Variants in XIRP2 observed in about 807,000 individuals in gnomAD.
XIRP2 encodes the protein xin actin-binding repeat-containing protein 2.
In XIRP2, 236 loss-of-function variants were observed where a neutral mutation model predicts 277.0. That is an observed-to-expected ratio of 0.85 (90% CI 0.77 to 0.95). The LOEUF is 0.95. Ranked by LOEUF, XIRP2 falls within the 40% of genes least tolerant of loss-of-function variation. The pLI is 0.00. For missense variants in XIRP2, 4,640 were observed against 4,157.5 expected (o/e 1.12, Z -3.19); for synonymous variants, 1,490 against 1,416.5 (o/e 1.05, Z -1.17).
At chr2:167,096,825 G>A (rs1027936414) in intron 2 of XIRP2, among the ~76,000 whole-genome samples, 6 of 152,106 alleles carry the variant, frequency 3.9e-5, no homozygotes, top group Admixed American at 6.5e-5. Flanking sequence ...TCAGGAGCAG[G>A]TTGTTGAGTT....
At chr2:166,939,538 G>A (rs900793395) in intron 2 of XIRP2, among the ~76,000 whole-genome samples, 1 of 151,374 alleles carries the variant, frequency 6.6e-6, no homozygotes, top group Non-Finnish European at 1.5e-5. Flanking sequence ...AAATTAGCTG[G>A]GCGTGGTGGT....
At chr2:166,902,596 TTG>T (rs150881919) in intron 1 of XIRP2, among the ~76,000 whole-genome samples, 16 of 150,440 alleles carry the variant, frequency 1.1e-4, no homozygotes, top group African/African-American at 1.9e-4. Flanking sequence ...TGCCCATGAT[TTG>T]TGTGTGTGTG....
At position 167,248,932 on chromosome 2, in the gene XIRP2, C is replaced by G. The variant is rs1695377330; in HGVS notation, c.7540C>G (p.Gln2514Glu). 6.2e-7 allele frequency: 1 copy of G among 1,613,756 alleles called. No individual in the cohort carries two copies. The highest frequency in any genetic ancestry group is 8.5e-7 in the Non-Finnish European group (1 of 1,179,806). Reference protein sequence around the residue: ...VPGTSAPRKKQIAPLIKSHSF... With the variant: ...VPGTSAPRKKEIAPLIKSHSF... Reference sequence around the variant, plus strand: ...AGGAACTTCAGCACCCAGGAAAAAACAGATTGCGCCTCTTATAAAATCTCA... The same window carrying G: ...AGGAACTTCAGCACCCAGGAAAAAAGAGATTGCGCCTCTTATAAAATCTCA... The change falls in exon 9 of 11, where the codon CAG (glutamine) becomes GAG (glutamate). Residue 2514 changes from glutamine to glutamate, a missense_variant. By Grantham distance (29) the Gln-to-Glu change is conservative. Transcript: ENST00000409195.
intron 3 of XIRP2, among the ~76,000 whole-genome samples, chr2:167,145,416 A>G (rs1377461705): frequency 3.3e-5 from 5 of 152,198 alleles, no homozygotes; most frequent in Admixed American, 3.3e-4. Context: ...TCATTGGGAA[A>G]AAATTTACTT....
At position 167,243,319 on chromosome 2, in the gene XIRP2, A is replaced by C; in HGVS notation, c.1927A>C (p.Ile643Leu). The change falls in exon 9 of 11, where the codon ATT (isoleucine) becomes CTT (leucine). Residue 643 changes from isoleucine to leucine, a missense_variant. Ile to Leu is a conservative substitution (Grantham distance 5, BLOSUM62 2). Transcript: ENST00000409195. ...SSDTVENAEK[I>L]PELARGDVCT... ...TGACACTGTAGAAAATGCAGAGAAA[A>C]TTCCTGAGCTAGCCAGAGGAGATGT... The C allele has an allele frequency of 6.2e-7, 1 of 1,613,724 alleles. No individual in the cohort carries two copies. The highest frequency in any genetic ancestry group is 1.7e-5 in the Admixed American group (1 of 60,000).
In XIRP2 at chr2:167,070,795, T is replaced by C. The variant is rs1477351432; in HGVS notation, c.409-65114T>C. 3.3e-5 allele frequency among the ~76,000 whole-genome samples: 5 copies of C among 152,310 alleles called. 1 individual carries two copies. The Middle Eastern group carries it at 0.01, about 311-fold the overall frequency. On this transcript the variant is annotated intron_variant, in intron 2 of 10. Coordinates refer to ENST00000409195, the MANE Select transcript of XIRP2 (RefSeq NM_152381.6). Reference sequence around the variant, plus strand: ...AGTTGTTTTATCCATACCATGACTTTGGCATTTTTTTTAAGGAACAAATTC... The same window carrying C: ...AGTTGTTTTATCCATACCATGACTTCGGCATTTTTTTTAAGGAACAAATTC...
At chr2:166,893,361 T>C (rs1684158392) in intron 1 of XIRP2, among the ~76,000 whole-genome samples, 1 of 152,112 alleles carries the variant, frequency 6.6e-6, no homozygotes. Flanking sequence ...ACCAAAAAAA[T>C]TATTTGCATT....
chr2:166,978,279 G>C (rs955041810), intron 2 of XIRP2, among the ~76,000 whole-genome samples: 2 of 151,902 alleles, frequency 1.3e-5, no homozygotes, highest in East Asian at 3.9e-4. Context: ...TTTTATTATA[G>C]ATCTACAATA....
chr2:167,240,597 T>G, intron 6 of XIRP2, 67 bp from the exon 7 acceptor site: 1 of 1,321,310 alleles, frequency 7.6e-7, no homozygotes, highest in South Asian at 1.2e-5. Flanking sequence ...ATGAAGAGTA[T>G]TATTTGTAGT....
intron 2 of XIRP2, among the ~76,000 whole-genome samples, chr2:166,978,861 T>C (rs1558936528): frequency 6.6e-6 from 1 of 152,034 alleles, no homozygotes; most frequent in East Asian, 1.9e-4. Context: ...ACACCTGTAG[T>C]CCCAGCTACT....
At chr2:167,087,837 T>C (rs1428821986) in intron 2 of XIRP2, among the ~76,000 whole-genome samples, 1 of 152,142 alleles carries the variant, frequency 6.6e-6, no homozygotes, top group African/African-American at 2.4e-5. Context: ...CTGCGCCCAC[T>C]GTCTGGCACT....
intron 2 of XIRP2, among the ~76,000 whole-genome samples, chr2:166,936,182 AT>A (rs1363327214): frequency 2.0e-5 from 3 of 152,048 alleles, no homozygotes; most frequent in African/African-American, 7.2e-5. Flanking sequence ...GCATTTTTTC[AT>A]GTGTCTGTTG....
At chr2:166,893,985 G>A (rs1684176388) in intron 1 of XIRP2, among the ~76,000 whole-genome samples, 1 of 152,074 alleles carries the variant, frequency 6.6e-6, no homozygotes, top group Non-Finnish European at 1.5e-5. Flanking sequence ...GTGGAACAGG[G>A]AAGCATTTGG....
At chr2:167,230,869 A>C (rs1694727942) in intron 5 of XIRP2, among the ~76,000 whole-genome samples, 2 of 152,070 alleles carry the variant, frequency 1.3e-5, no homozygotes. Flanking sequence ...CAGCGAAGAT[A>C]CTGAGACTGA....
chr2:167,022,965 T>C (rs1447099861), intron 2 of XIRP2, among the ~76,000 whole-genome samples: 1 of 152,182 alleles, frequency 6.6e-6, no homozygotes, highest in Non-Finnish European at 1.5e-5. Context: ...TTTGGGTATA[T>C]ACCCAGTAAT....
At chr2:166,958,122 A>G (rs529717475) in intron 2 of XIRP2, among the ~76,000 whole-genome samples, 1 of 151,882 alleles carries the variant, frequency 6.6e-6, no homozygotes, top group Non-Finnish European at 1.5e-5. Flanking sequence ...TTCTTAAATT[A>G]AGATGATGCT....
intron 2 of XIRP2, among the ~76,000 whole-genome samples, chr2:167,011,162 G>A (rs12615590): frequency 6.7e-6 from 1 of 149,874 alleles, no homozygotes; most frequent in Non-Finnish European, 1.5e-5. Context: ...TTTTCAAAGG[G>A]AATGCTTCCA....
chr2:167,044,572 C>T (rs1033985886), intron 2 of XIRP2, among the ~76,000 whole-genome samples: 1 of 152,046 alleles, frequency 6.6e-6, no homozygotes, highest in Non-Finnish European at 1.5e-5. Context: ...CTTCAGTAAA[C>T]TTTCAGGATA....
intron 2 of XIRP2, among the ~76,000 whole-genome samples, chr2:166,976,692 A>G (rs1431616510): frequency 6.6e-6 from 1 of 152,156 alleles, no homozygotes; most frequent in East Asian, 1.9e-4. Context: ...CATATGTCAC[A>G]GCCCCTGTCT....
Sources: allele counts gnomAD v4.1 joint callset (sites outside exome capture counted in the v4.1 genomes callset), GRCh38; gene constraint gnomAD v4.1.1; transcripts MANE v1.5; gene names NCBI Gene and HGNC (gene_info 2026-07-23, HGNC 2026-07-21).